Variants in LCA5L observed in about 807,000 individuals in gnomAD.
The protein encoded by LCA5L is lebercilin-like protein.
LCA5L carries 35 observed loss-of-function variants against 45.4 expected under a neutral mutation model. The observed-to-expected ratio is 0.77, with a 90% CI of 0.59 to 1.02. LCA5L has a LOEUF of 1.02. Ranked by LOEUF, LCA5L falls within the 50% of genes least tolerant of loss-of-function variation. The probability of loss-of-function intolerance (pLI) is 0.00; values close to 1 mark genes in which losing one functional copy is unlikely to be tolerated. For missense variants in LCA5L, 668 were observed against 761.6 expected, an observed-to-expected ratio of 0.88 and a Z score of 1.45; for synonymous variants, 233 against 264.7, an observed-to-expected ratio of 0.88 and a Z score of 1.16.
Position 39,406,308 on chromosome 21 carries a change from T to A in LCA5L, c.1587A>T (p.Ala529=). The A allele has an allele frequency of 6.2e-7, 1 of 1,614,214 alleles. No individual in the cohort carries two copies. Among genetic ancestry groups the A allele is most frequent in the Non-Finnish European group, 8.5e-7 (1 of 1,180,028 alleles). ...RQRRHYSFTE[A]TENLHHGLPA... is the part of the protein sequence containing the mutation. Reference sequence around the variant, plus strand: ...GAAGCCCATGATGCAGGTTTTCAGTTGCTTCTGTGAATGAGTAATGTCTTC... The same window carrying A: ...GAAGCCCATGATGCAGGTTTTCAGTAGCTTCTGTGAATGAGTAATGTCTTC... Residue 529 remains alanine, a synonymous_variant, in exon 11 of 11, where the codon GCA becomes GCT. Coordinates refer to ENST00000288350, the MANE Select transcript of LCA5L (RefSeq NM_152505.4).
intron 3 of LCA5L, among the ~76,000 whole-genome samples, chr21:39,429,906 G>T (rs563026515): frequency 1.3e-5 from 2 of 152,000 alleles, no homozygotes; most frequent in African/African-American, 4.8e-5. Context: ...TAGTCCCAGC[G>T]ACTTGGGAGG....
At chr21:39,414,738 C>CTGTG (rs763309098) in intron 7 of LCA5L, among the ~76,000 whole-genome samples, 8,570 of 106,636 alleles carry the variant, frequency 0.08, 422 homozygotes, top group East Asian at 0.2. Flanking sequence ...CTCTCTCTCT[C>CTGTG]TCTCTGTGTG....
rs2040129710 is a variant in LCA5L at position 39,411,816 on chromosome 21, CAA to C, written c.976-16_976-15del. The C allele has an allele frequency of 6.7e-7, 1 of 1,490,250 alleles. No homozygotes were observed. The highest frequency in any genetic ancestry group is 2.0e-5 in the Admixed American group (1 of 51,224). The allele number at this position is 1,490,250 out of a possible 1,614,324, so 92.3% of individuals were successfully genotyped here. A position where few individuals can be genotyped will look rare whatever the true frequency, so the allele number is the denominator to read the frequency against. Reference sequence around the variant, plus strand: ...ACGATCCTTTTCCTAAAAAGAACCACAAAACCAATTTTTCTATAAATGCTTGC... The same window carrying C: ...ACGATCCTTTTCCTAAAAAGAACCACAACCAATTTTTCTATAAATGCTTGC... On this transcript the variant is annotated splice_polypyrimidine_tract_variant and intron_variant, in intron 7 of 10. Coordinates refer to ENST00000288350, the MANE Select transcript of LCA5L (RefSeq NM_152505.4).
chr21:39,444,975 G>C (rs1400106903), intron 1 of LCA5L, among the ~76,000 whole-genome samples: 2 of 152,094 alleles, frequency 1.3e-5, no homozygotes. Flanking sequence ...GGAGGGGCGA[G>C]GGCTGGGAAT....
At chr21:39,444,051 A>T (rs1039898209) in intron 2 of LCA5L, 84 bp downstream of exon 2, 5 of 151,808 alleles carry the variant, frequency 3.3e-5, no homozygotes, top group Admixed American at 3.3e-4. Context: ...AAACAACAAA[A>T]AAAGAGAGAT....
intron 3 of LCA5L, among the ~76,000 whole-genome samples, chr21:39,433,973 C>T (rs1045848920): frequency 1.3e-4 from 16 of 127,762 alleles, no homozygotes; most frequent in African/African-American, 4.4e-4. Context: ...TTTGCCAATT[C>T]TCCTGCCTTG....
chr21:39,426,629 C>A (rs9979353), intron 5 of LCA5L, among the ~76,000 whole-genome samples: 31 of 152,102 alleles, frequency 2.0e-4, no homozygotes, highest in Non-Finnish European at 4.1e-4. Context: ...AGTGAAATAA[C>A]TAAAGATCTG....
Position 39,428,309 on chromosome 21 carries a change from C to A in LCA5L, c.185G>T (p.Ser62Ile), listed in dbSNP as rs1235353299. 1 of 1,613,174 alleles carries A rather than the reference C, an allele frequency of 6.2e-7. No homozygotes were observed. The highest frequency in any genetic ancestry group is 8.5e-7 in the Non-Finnish European group (1 of 1,179,528). ...GTCTTCTGAATAATCATACTGAGAA[C>A]TTAAACTTCCACAGGAGCACTGAGA... ...SRSQCSCGSL[S>I]SQYDYSEDFL... Residue 62 changes from serine to isoleucine, a missense_variant, in exon 5 of 11, where the codon AGT (serine) becomes ATT (isoleucine). By Grantham distance (142) the Ser-to-Ile change is moderately radical. Coordinates refer to ENST00000288350, the MANE Select transcript of LCA5L (RefSeq NM_152505.4).
At position 39,405,997 on chromosome 21, in the gene LCA5L, G is replaced by T; in HGVS notation, c.1898C>A (p.Pro633His). Residue 633 changes from proline (P) to histidine (H), a missense_variant, in exon 11 of 11, where the codon CCC (proline) becomes CAC (histidine). Transcript: ENST00000288350. The part of the protein sequence containing the change: ...EEPLQSKESH[P>H]LPPSQASTSH... ...GGTGGAGGCCTGACTGGGAGGCAGGGGATGCGACTCCTTACTTTGCAAAGG... is the reference window on the plus strand; with the variant it reads ...GGTGGAGGCCTGACTGGGAGGCAGGTGATGCGACTCCTTACTTTGCAAAGG... 1 of 1,614,180 alleles carries T rather than the reference G, an allele frequency of 6.2e-7. No homozygotes were observed. The highest frequency in any genetic ancestry group is 8.5e-7 in the Non-Finnish European group (1 of 1,180,028).
rs1342366550 is a variant in LCA5L, at chr21:39,419,546, AAAAG to A, written c.975+1156_975+1159del. ...TTCAAAAAAAAAAAAGAAAAAAGAA[AAAAG>A]AAAGAAAGGGAAATTATTGATATAG... On this transcript the variant is annotated intron_variant, in intron 7 of 10. Coordinates refer to ENST00000288350, the MANE Select transcript of LCA5L (RefSeq NM_152505.4). 3.7e-3 allele frequency among the ~76,000 whole-genome samples: 556 copies of A among 150,596 alleles called. 3 individuals are homozygous for A. The highest frequency in any genetic ancestry group is 0.012 in the African/African-American group (505 of 40,920).
intron 8 of LCA5L, chr21:39,411,163 A>G (rs547901985): frequency 8.3e-5 from 26 of 314,668 alleles, no homozygotes; most frequent in South Asian, 7.0e-4. Context: ...TCTAGAACAG[A>G]CAACCTAGGC....
chr21:39,420,730 T>C lies in LCA5L; in HGVS notation c.951A>G (p.Val317=), dbSNP rs1344789585. The C allele has an allele frequency of 6.2e-7, 1 of 1,612,554 alleles. No individual in the cohort carries two copies. The highest frequency in any genetic ancestry group is 1.6e-4 in the Middle Eastern group (1 of 6,074). Residue 317 remains valine (V), a synonymous_variant, in exon 7 of 11, where the codon GTA becomes GTG. Coordinates refer to ENST00000288350, the MANE Select transcript of LCA5L (RefSeq NM_152505.4). ...QTATKTLQVE[V]KHLQQKLKEK... The stretch of plus-strand genomic sequence containing the variant: ...CCTTAAGTTTTTGTTGAAGGTGTTT[T>C]ACTTCCACCTGCAGAGTCTTGGTAG...
At chr21:39,433,732 C>T (rs1432865074) in intron 3 of LCA5L, among the ~76,000 whole-genome samples, 1 of 150,320 alleles carries the variant, frequency 6.7e-6, no homozygotes, top group Non-Finnish European at 1.5e-5. Flanking sequence ...TCTCTATATT[C>T]ATACCAATAC....
intron 7 of LCA5L, among the ~76,000 whole-genome samples, chr21:39,417,173 C>T (rs1194748684): frequency 2.6e-5 from 4 of 152,164 alleles, no homozygotes; most frequent in African/African-American, 4.8e-5. Context: ...GCTGGGATTA[C>T]AGGCGCGCAC....
intron 6 of LCA5L, among the ~76,000 whole-genome samples, chr21:39,421,084 A>G (rs1471361214): frequency 6.6e-6 from 1 of 151,184 alleles, no homozygotes; most frequent in East Asian, 1.9e-4. Flanking sequence ...ATACTCTAAA[A>G]TTTGATTTAA....
chr21:39,416,450 C>T (rs927716710), intron 7 of LCA5L, among the ~76,000 whole-genome samples: 1 of 152,150 alleles, frequency 6.6e-6, no homozygotes, highest in Non-Finnish European at 1.5e-5. Flanking sequence ...TATGACAATA[C>T]GTTCCAGGTT....
rs1157502136 is a variant in LCA5L at position 39,406,360 on chromosome 21, G to A, written c.1535C>T (p.Pro512Leu). The A allele has an allele frequency of 4.3e-6, 7 of 1,614,038 alleles. No individual in the cohort carries two copies. The African/African-American group carries it at 9.3e-5, about 22-fold the overall frequency. Residue 512 changes from proline to leucine, a missense_variant, in exon 11 of 11, where the codon CCC becomes CTC. By Grantham distance (98) the Pro-to-Leu change is moderately conservative. Transcript: ENST00000288350. ...TTGTCTGAGGGGGCCTTTCGTGTAG[G>A]GAGCAGTGCCTTTGCCAAGTGTGTC... Reference protein sequence around the residue: ...VDDTLGKGTAPYTKGPLRQRR... With the variant: ...VDDTLGKGTALYTKGPLRQRR...
At position 39,409,462 on chromosome 21, in the gene LCA5L, G is replaced by A. The variant is rs1218731901; in HGVS notation, c.1282+517C>T. Among the ~76,000 whole-genome samples, 1 of 152,170 alleles carries A rather than the reference G, an allele frequency of 6.6e-6. No individual in the cohort carries two copies. The highest frequency in any genetic ancestry group is 6.5e-5 in the Admixed American group (1 of 15,286). ...AAACCCAAGACGGTGGTGGTTTCTGGTGGGCAGGGCGAGGGGATATGATTG... is the reference window on the plus strand; with the variant it reads ...AAACCCAAGACGGTGGTGGTTTCTGATGGGCAGGGCGAGGGGATATGATTG... On this transcript the variant is annotated intron_variant, in intron 10 of 10. Transcript: ENST00000288350. This position sits in a 1 kb window ranked among gnomAD's most constrained non-coding sequence, Gnocchi z 4.2.
rs748150262 is a variant in LCA5L, at chr21:39,411,775, T to C, written c.1003A>G (p.Asn335Asp). The C allele has an allele frequency of 6.3e-7, 1 of 1,589,692 alleles. No homozygotes were observed. Among genetic ancestry groups the C allele is most frequent in the Non-Finnish European group, 8.6e-7 (1 of 1,163,754 alleles). Residue 335 changes from asparagine (N) to aspartate (D), a missense_variant, in exon 8 of 11, where the codon AAC (asparagine) becomes GAC (aspartate). By Grantham distance (23) the Asn-to-Asp change is conservative (BLOSUM62 1). Transcript: ENST00000288350. ...KEKDRELEIK[N>D]IYSHRILKNL... ...TTAAGTATTCGATGACTATAGATGTTTTTAATTTCAAGCTCACGATCCTTT... is the reference window on the plus strand; with the variant it reads ...TTAAGTATTCGATGACTATAGATGTCTTTAATTTCAAGCTCACGATCCTTT...
Sources: gnomAD v4.1 joint callset for allele counts (sites outside exome capture counted in the v4.1 genomes callset) on GRCh38, gnomAD v4.1.1 for gene constraint, Gnocchi (gnomAD v3.1) non-coding constraint, MANE v1.5 for transcripts, NCBI Gene and HGNC (gene_info 2026-07-23, HGNC 2026-07-21) for gene names.